Variants in PCDHA6 observed in about 807,000 individuals in gnomAD.
PCDHA6 encodes the protein protocadherin alpha-6.
A neutral mutation model predicts 60.3 loss-of-function variants in PCDHA6; 55 were observed. The observed-to-expected ratio is 0.91, with a 90% confidence interval of 0.73 to 1.14. The LOEUF is 1.14. Among genes scored for constraint, PCDHA6 ranks in the 50% most tolerant of loss-of-function variants. PCDHA6 has a pLI of 0.00. For missense variants in PCDHA6, 1,327 were observed against 1,256.5 expected, an observed-to-expected ratio of 1.06 and a Z score of -0.85; for synonymous variants, 652 against 557.9, an observed-to-expected ratio of 1.17 and a Z score of -2.38.
intron 1 of PCDHA6, chr5:140,969,060 A>T (rs2096292130): frequency 6.2e-7 from 1 of 1,614,012 alleles, no homozygotes. Context: ...AACAATATTG[A>T]TGCCAGGATA....
At chr5:140,960,934 A>G (rs1429908471) in intron 1 of PCDHA6, among the ~76,000 whole-genome samples, 3 of 152,236 alleles carry the variant, frequency 2.0e-5, no homozygotes, top group Admixed American at 1.3e-4. Context: ...TACTAAGTTT[A>G]GTGAATTAGA....
At chr5:140,869,628 T>TGAGTATTTTTCTTTA in intron 1 of PCDHA6, 1 of 1,613,700 alleles carries the variant, frequency 6.2e-7, no homozygotes, top group Non-Finnish European at 8.5e-7. Flanking sequence ...TAAGTAAAAA[T>TGAGTATTTTTCTTTA]GAGTATTTTT....
intron 1 of PCDHA6, chr5:140,834,386 G>A (rs1295160788): frequency 1.9e-6 from 3 of 1,582,980 alleles, no homozygotes; most frequent in Non-Finnish European, 2.6e-6. Context: ...AATTTGAAAT[G>A]GTGTGCCCGA....
intron 1 of PCDHA6, chr5:140,850,222 C>T (rs1554144012): frequency 6.3e-7 from 1 of 1,593,746 alleles, no homozygotes; most frequent in East Asian, 2.2e-5. Flanking sequence ...ACTGACGGCG[C>T]AGTGAGCGAG....
At chr5:140,891,819 G>C (rs1282245838) in intron 1 of PCDHA6, among the ~76,000 whole-genome samples, 3 of 152,098 alleles carry the variant, frequency 2.0e-5, no homozygotes, top group African/African-American at 7.2e-5. Context: ...ATAAATTAAC[G>C]GCACTGTAAA....
intron 3 of PCDHA6, among the ~76,000 whole-genome samples, chr5:140,985,779 G>A (rs2097170620): frequency 7.9e-6 from 1 of 126,148 alleles, no homozygotes; most frequent in Non-Finnish European, 1.6e-5. Flanking sequence ...TCGCTCTGTC[G>A]CCCAGGCTGG....
intron 1 of PCDHA6, chr5:140,883,148 A>G (rs1554176918): frequency 5.0e-6 from 8 of 1,614,078 alleles, no homozygotes; most frequent in Non-Finnish European, 6.8e-6. Context: ...ATATGCATTT[A>G]CCATAAATCC....
intron 1 of PCDHA6, chr5:140,862,507 G>C (rs2047400822): frequency 5.0e-6 from 2 of 401,986 alleles, no homozygotes; most frequent in Non-Finnish European, 5.0e-6. Flanking sequence ...ATGGGGACTC[G>C]CTTTCATTGT....
intron 1 of PCDHA6, among the ~76,000 whole-genome samples, chr5:140,881,897 C>T (rs2058860141): frequency 6.6e-6 from 1 of 152,146 alleles, no homozygotes; most frequent in African/African-American, 2.4e-5. Context: ...CAATTGTCAG[C>T]TAATATAAAA....
At chr5:140,869,418 C>G in intron 1 of PCDHA6, 1 of 1,614,174 alleles carries the variant, frequency 6.2e-7, no homozygotes, top group Non-Finnish European at 8.5e-7. Flanking sequence ...GCAGCATCCA[C>G]CTGGAGGTGA....
At chr5:140,969,501 A>G (rs2096338220) in intron 1 of PCDHA6, 20 of 1,431,968 alleles carry the variant, frequency 1.4e-5, no homozygotes, top group Non-Finnish European at 1.9e-5. Context: ...CTCTCTAGAA[A>G]AATAGCACTA....
intron 1 of PCDHA6, chr5:140,871,260 G>A: frequency 1.9e-6 from 3 of 1,613,980 alleles, no homozygotes; most frequent in South Asian, 1.1e-5. Flanking sequence ...TGTATACGGC[G>A]CTGTGGTGGT....
intron 3 of PCDHA6, among the ~76,000 whole-genome samples, chr5:140,988,254 T>G (rs910037234): frequency 6.6e-6 from 1 of 152,188 alleles, no homozygotes; most frequent in East Asian, 1.9e-4. Context: ...AGCTCCCGCC[T>G]GTGAGTATCC....
At position 140,843,610 on chromosome 5, in the gene PCDHA6, G is replaced by C; in HGVS notation, c.2394+13125G>C. 5.6e-6 allele frequency: 9 copies of C among 1,595,980 alleles called. 1 individual carries two copies. The highest frequency in any genetic ancestry group is 7.7e-6 in the Non-Finnish European group (9 of 1,165,482). On this transcript the variant is annotated intron_variant, in intron 1 of 3. Transcript: ENST00000529310. Reference sequence around the variant, plus strand: ...CGCAGAGGGTGTGCTCTGGTGAGGGGCCACCGAAGACGGACCTCATGGCCT... The same window carrying C: ...CGCAGAGGGTGTGCTCTGGTGAGGGCCCACCGAAGACGGACCTCATGGCCT...
chr5:140,994,515 C>A (rs1450335712), intron 3 of PCDHA6, among the ~76,000 whole-genome samples: 1 of 150,238 alleles, frequency 6.7e-6, no homozygotes, highest in African/African-American at 2.5e-5. Context: ...ACAGCCTGGG[C>A]AACATGGCAA....
At chr5:140,848,673 G>A (rs2150416689) in intron 1 of PCDHA6, 2 of 1,592,332 alleles carry the variant, frequency 1.3e-6, no homozygotes, top group Non-Finnish European at 1.7e-6. Context: ...GGCGGAGCTG[G>A]TGCCGCGCCT....
At chr5:140,894,505 C>T (rs1054272448) in intron 1 of PCDHA6, among the ~76,000 whole-genome samples, 9 of 151,570 alleles carry the variant, frequency 5.9e-5, no homozygotes, top group Non-Finnish European at 2.9e-5. Context: ...AGGCATTATC[C>T]ATAGTGTTTA....
Position 141,010,389 on chromosome 5 carries a change from G to A in PCDHA6, c.*452G>A. The A allele has an allele frequency of 1.4e-6, 2 of 1,400,314 alleles. No individual in the cohort carries two copies. Among genetic ancestry groups the A allele is most frequent in the Non-Finnish European group, 1.9e-6 (2 of 1,052,510 alleles). The allele number at this position is 1,400,314 out of a possible 1,614,324, so 86.7% of individuals were successfully genotyped here. ...TATGCGAGTGCCAGATATTGGCTGA[G>A]ACGAGCCAGCTTAGACTAATTGGTA... On this transcript the variant is annotated 3_prime_UTR_variant, in exon 4 of 4. Coordinates refer to ENST00000529310, the MANE Select transcript of PCDHA6 (RefSeq NM_018909.4).
intron 1 of PCDHA6, among the ~76,000 whole-genome samples, chr5:140,975,937 A>C (rs2096690423): frequency 1.3e-5 from 2 of 152,194 alleles, no homozygotes; most frequent in South Asian, 2.1e-4. Context: ...CTTTGAAGCA[A>C]TAGGACATAT....
Sources: allele counts gnomAD v4.1 joint callset (sites outside exome capture counted in the v4.1 genomes callset), GRCh38; gene constraint gnomAD v4.1.1; transcripts MANE v1.5; gene names NCBI Gene and HGNC (gene_info 2026-07-23, HGNC 2026-07-21).